Variants in DHRSX observed in about 807,000 individuals in gnomAD.
The protein encoded by DHRSX is dehydrogenase/reductase X-linked, also known as polyprenol dehydrogenase.
DHRSX carries 31 observed loss-of-function variants against 34.0 expected under a neutral mutation model. The ratio of observed to expected loss-of-function variants is 0.91; its 90% CI spans 0.69 to 1.23. DHRSX has a LOEUF of 1.23. Ranked by LOEUF, DHRSX falls within the 50% of genes most tolerant of loss-of-function variation. DHRSX has a pLI of 0.00. For missense variants in DHRSX, 414 were observed against 428.1 expected (o/e 0.97, Z 0.29); for synonymous variants, 201 against 183.8 (o/e 1.09, Z -0.76).
chrX:2,400,762 G>T (rs1456720766), intron 3 of DHRSX, among the ~76,000 whole-genome samples: 1 of 152,138 alleles, frequency 6.6e-6, no homozygotes, highest in Non-Finnish European at 1.5e-5. Flanking sequence ...ACACTTCACT[G>T]ACTCTTGTAT....
chrX:2,477,279 C>T (rs2044694484), intron 1 of DHRSX, among the ~76,000 whole-genome samples: 1 of 152,142 alleles, frequency 6.6e-6, no homozygotes, highest in Non-Finnish European at 1.5e-5. Context: ...CTCCATGGCA[C>T]CTAGCTCTAG....
At chrX:2,282,656 G>C (rs1480271410) in intron 4 of DHRSX, among the ~76,000 whole-genome samples, 1 of 142,720 alleles carries the variant, frequency 7.0e-6, no homozygotes, top group Admixed American at 7.1e-5. Context: ...GAGAGGGAGA[G>C]AGAGAATGGG....
intron 1 of DHRSX, among the ~76,000 whole-genome samples, chrX:2,468,619 CCGCCGCCA>C (rs2044535505): frequency 6.6e-6 from 1 of 151,688 alleles, no homozygotes; most frequent in Admixed American, 6.6e-5. Flanking sequence ...GGCCAAGGGA[CCGCCGCCA>C]TGTACACACT....
chrX:2,362,410 T>C (rs56061813), intron 3 of DHRSX, among the ~76,000 whole-genome samples: 56,982 of 151,958 alleles, frequency 0.37, 11,780 homozygotes, highest in Non-Finnish European at 0.5. Context: ...AAGCAATTCT[T>C]CTGCCTCAGC....
intron 3 of DHRSX, among the ~76,000 whole-genome samples, chrX:2,346,706 A>G (rs918692771): frequency 6.6e-6 from 1 of 151,640 alleles, no homozygotes; most frequent in Admixed American, 6.6e-5. Flanking sequence ...CAGAACATGC[A>G]GGTTACATAG....
chrX:2,359,137 T>G (rs2042895251), intron 3 of DHRSX, among the ~76,000 whole-genome samples: 1 of 152,128 alleles, frequency 6.6e-6, no homozygotes, highest in South Asian at 2.1e-4. Context: ...AAGGAACACC[T>G]AAACACTGTT....
At position 2,266,892 on chromosome X, in the gene DHRSX, G is replaced by A. The variant is rs200644172; in HGVS notation, c.444C>T (p.Phe148=). 9.7e-5 allele frequency: 157 copies of A among 1,613,978 alleles called. No individual in the cohort carries two copies. The highest frequency in any genetic ancestry group is 1.2e-4 in the Non-Finnish European group (143 of 1,179,860). The change falls in exon 5 of 7, where the codon TTC becomes TTT. Residue 148 remains phenylalanine (F), a synonymous_variant. Transcript: ENST00000334651. ...RKTRDGFEEH[F]GLNYLGHFLL... ...GGAAGTGCCCTAGGTAGTTCAGGCCGAAATGTTCTTCGAATCCATCTCTGG... is the reference window on the plus strand; with the variant it reads ...GGAAGTGCCCTAGGTAGTTCAGGCCAAAATGTTCTTCGAATCCATCTCTGG...
intron 4 of DHRSX, among the ~76,000 whole-genome samples, chrX:2,269,995 T>C (rs1045803049): frequency 2.0e-5 from 3 of 152,196 alleles, no homozygotes; most frequent in Non-Finnish European, 2.9e-5. Context: ...TATATGGAGC[T>C]ATCTATACAT....
At chrX:2,269,989 T>A (rs1485005170) in intron 4 of DHRSX, among the ~76,000 whole-genome samples, 2 of 152,232 alleles carry the variant, frequency 1.3e-5, no homozygotes, top group East Asian at 3.8e-4. Flanking sequence ...GTATCTTATA[T>A]GGAGCTATCT....
At chrX:2,374,097 A>G (rs7880206) in intron 3 of DHRSX, among the ~76,000 whole-genome samples, 36,366 of 152,020 alleles carry the variant, frequency 0.24, 5,497 homozygotes, top group Non-Finnish European at 0.35. Context: ...TACCACCCTC[A>G]TGTGATTAGT....
At chrX:2,488,690 AAGG>A (rs1183875705) in intron 1 of DHRSX, 3 of 1,613,392 alleles carry the variant, frequency 1.9e-6, no homozygotes, top group Non-Finnish European at 2.5e-6. Context: ...GCCATCCCCC[AAGG>A]AGAACACCTG....
intron 3 of DHRSX, among the ~76,000 whole-genome samples, chrX:2,390,166 G>A (rs2043319063): frequency 9.1e-6 from 1 of 109,850 alleles, no homozygotes; most frequent in African/African-American, 3.8e-5. Context: ...TTTTTTTAAT[G>A]GAGCTTTGCT....
At chrX:2,239,984 A>G (rs1676252003) in intron 6 of DHRSX, among the ~76,000 whole-genome samples, 1 of 151,952 alleles carries the variant, frequency 6.6e-6, no homozygotes, top group Non-Finnish European at 1.5e-5. Context: ...ACAGATCAGA[A>G]AGCAAACTGC....
At chrX:2,305,584 C>G (rs2042088526) in intron 3 of DHRSX, among the ~76,000 whole-genome samples, 1 of 152,062 alleles carries the variant, frequency 6.6e-6, no homozygotes. Context: ...AGACTTGGAA[C>G]CAACGCAAAT....
At chrX:2,244,356 T>C (rs2016229068) in intron 5 of DHRSX, among the ~76,000 whole-genome samples, 1 of 152,030 alleles carries the variant, frequency 6.6e-6, no homozygotes, top group African/African-American at 2.4e-5. Flanking sequence ...AAACTGGATG[T>C]TTCCAGCTTT....
chrX:2,243,750 A>G (rs2016199503), intron 5 of DHRSX, among the ~76,000 whole-genome samples: 2 of 145,212 alleles, frequency 1.4e-5, no homozygotes. Context: ...CAGCCTCCCA[A>G]AGTGCTGGGA....
intron 1 of DHRSX, among the ~76,000 whole-genome samples, chrX:2,469,447 T>C (rs1194236922): frequency 1.3e-5 from 2 of 151,622 alleles, no homozygotes; most frequent in Non-Finnish European, 2.9e-5. Context: ...TCCCTAGGCA[T>C]GTGGCCAAGG....
chrX:2,409,627 C>G (rs756637658), intron 2 of DHRSX, among the ~76,000 whole-genome samples: 1 of 152,240 alleles, frequency 6.6e-6, no homozygotes, highest in East Asian at 1.9e-4. Flanking sequence ...CAGGAACACG[C>G]CTTTAGAAGG....
chrX:2,487,232 T>C (rs2044964853), intron 1 of DHRSX: 1 of 152,184 alleles, frequency 6.6e-6, no homozygotes, highest in South Asian at 2.1e-4. Context: ...GTATTCAGTT[T>C]AAAAGAGAAG....
Sources: allele counts gnomAD v4.1 joint callset (sites outside exome capture counted in the v4.1 genomes callset), GRCh38; gene constraint gnomAD v4.1.1; transcripts MANE v1.5; gene names NCBI Gene and HGNC (gene_info 2026-07-23, HGNC 2026-07-21).